CPLANE1: variants seen among roughly 807,000 people sequenced by gnomAD.
CPLANE1 encodes ciliogenesis and planar polarity effector complex subunit 1, also known as ciliogenesis and planar polarity effector 1.
Under a neutral mutation model 362.5 loss-of-function variants are expected in CPLANE1, and 263 were observed. The ratio of observed to expected loss-of-function variants is 0.73; its 90% confidence interval spans 0.66 to 0.80. The LOEUF is 0.80. Among genes scored for constraint, CPLANE1 ranks in the 30% least tolerant of loss-of-function variants. The probability of loss-of-function intolerance (pLI) is 0.00; values close to 1 mark genes in which losing one functional copy is unlikely to be tolerated. For synonymous variants in CPLANE1, 1,212 were observed against 1,302.6 expected, an observed-to-expected ratio of 0.93 and a Z score of 1.50; for missense variants, 3,461 against 3,793.4, an observed-to-expected ratio of 0.91 and a Z score of 2.30.
Position 37,168,961 on chromosome 5 carries a change from G to T in CPLANE1, c.7063C>A (p.His2355Asn), listed in dbSNP as rs1236201954. 1 of 1,614,122 alleles carries T rather than the reference G, an allele frequency of 6.2e-7. No homozygotes were observed. The highest frequency in any genetic ancestry group is 1.7e-5 in the Admixed American group (1 of 60,022). ...TATAGTAACGGAAGTCCAAAGGAATGGTGAGGAGATATCTCAAGGGTCCCT... is the reference window on the plus strand; with the variant it reads ...TATAGTAACGGAAGTCCAAAGGAATTGTGAGGAGATATCTCAAGGGTCCCT... ...KPGTLEISPH[H>N]SFGLPLLYLP... Residue 2355 changes from histidine to asparagine, a missense_variant, in exon 34 of 53, where the codon CAT (histidine) becomes AAT (asparagine). Coordinates refer to ENST00000651892, the MANE Select transcript of CPLANE1 (RefSeq NM_001384732.1).
downstream of CPLANE1, among the ~76,000 whole-genome samples, chr5:37,104,985 C>A (rs1051332028): frequency 6.6e-6 from 1 of 152,088 alleles, no homozygotes; most frequent in Non-Finnish European, 1.5e-5. Flanking sequence ...TATAAAAACA[C>A]AGACCAATAG....
intron 51 of CPLANE1, among the ~76,000 whole-genome samples, chr5:37,110,729 A>G (rs564381839): frequency 1.1e-4 from 16 of 151,206 alleles, no homozygotes; most frequent in African/African-American, 3.1e-4. Context: ...GAGGAAAGTG[A>G]GGCTTAGAGA....
Position 37,239,753 on chromosome 5 carries a change from C to A in CPLANE1, c.794G>T (p.Gly265Val). 6.5e-7 allele frequency: 1 copy of A among 1,544,166 alleles called. No individual in the cohort carries two copies. Among genetic ancestry groups the A allele is most frequent in the Non-Finnish European group, 8.7e-7 (1 of 1,142,920 alleles). Residue 265 changes from glycine (G) to valine (V), a missense_variant, in exon 7 of 53, where the codon GGC becomes GTC. Transcript: ENST00000651892. ...ATTAAGAGTTACTGCCAGGGTAAGG[C>A]CATCTCTTGAAAAGGCAGAAATTAG... is the stretch of plus-strand genomic sequence containing the variant. ...GALISAFSRD[G>V]LTLAVTLNQK...
intron 24 of CPLANE1, 41 bp from the exon 25 acceptor site, chr5:37,185,120 T>C: frequency 1.3e-6 from 2 of 1,546,478 alleles, no homozygotes; most frequent in Middle Eastern, 1.8e-4. Flanking sequence ...TTCATTAAAA[T>C]ATTTCAATTC....
In CPLANE1 at chr5:37,182,902, CAGAGTAGCCTTCTATTAG is replaced by C. The variant is rs1263625665; in HGVS notation, c.5261_5278del (p.Ser1754_Leu1759del). 1 of 1,607,054 alleles carries C rather than the reference CAGAGTAGCCTTCTATTAG, an allele frequency of 6.2e-7. No individual in the cohort carries two copies. Among genetic ancestry groups the C allele is most frequent in the Admixed American group, 1.7e-5 (1 of 58,446 alleles). On this transcript the variant is annotated inframe_deletion, in exon 26 of 53. Transcript: ENST00000651892. ...GGATGACTCAGTTATACCAGAATCA[CAGAGTAGCCTTCTATTAG>C]ACCACCTTATCATCCATTCCAGCAG...
chr5:37,204,693 CAGG>C (rs1441392446), intron 18 of CPLANE1, among the ~76,000 whole-genome samples: 1 of 148,678 alleles, frequency 6.7e-6, no homozygotes, highest in South Asian at 2.1e-4. Context: ...CCTTGCTCTG[CAGG>C]AGGAGTCAGA....
At position 37,201,635 on chromosome 5, in the gene CPLANE1, G is replaced by A; in HGVS notation, c.3463C>T (p.Pro1155Ser). 6.2e-7 allele frequency: 1 copy of A among 1,614,146 alleles called. No individual in the cohort carries two copies. Among genetic ancestry groups the A allele is most frequent in the Non-Finnish European group, 8.5e-7 (1 of 1,180,008 alleles). ...WGLVPFGLYL[P>S]APPLYCPQPA... ...TGGGGACAGTACAATGGAGGAGCTGGAAGATACAAGCCGAATGGCACTAAG... is the reference window on the plus strand; with the variant it reads ...TGGGGACAGTACAATGGAGGAGCTGAAAGATACAAGCCGAATGGCACTAAG... The change falls in exon 19 of 53, where the codon CCA becomes TCA. Residue 1155 changes from proline (P) to serine (S), a missense_variant. By Grantham distance (74) the Pro-to-Ser change is moderately conservative. Coordinates refer to ENST00000651892, the MANE Select transcript of CPLANE1 (RefSeq NM_001384732.1).
Position 37,239,871 on chromosome 5 carries a change from TA to T in CPLANE1, c.678-3del. 1 of 1,454,836 alleles carries T rather than the reference TA, an allele frequency of 6.9e-7. No homozygotes were observed. Among genetic ancestry groups the T allele is most frequent in the Non-Finnish European group, 9.1e-7 (1 of 1,093,048 alleles). 90.1% of individuals were successfully genotyped at this position (1,454,836 alleles called of 1,614,324 possible). On this transcript the variant is annotated splice_region_variant and splice_polypyrimidine_tract_variant and intron_variant, in intron 6 of 52. Coordinates refer to ENST00000651892, the MANE Select transcript of CPLANE1 (RefSeq NM_001384732.1). ...CAATGAACATGGTATGGCAATGATC[TA>T]AAAAAGTAATGAAATAATTGAAAAC...
chr5:37,211,809 A>G, intron 16 of CPLANE1: 1 of 801,718 alleles, frequency 1.2e-6, no homozygotes, highest in African/African-American at 1.7e-5. Flanking sequence ...AGATGCGGAC[A>G]AGCTAGCTTT....
Position 37,173,945 on chromosome 5 carries a change from G to T in CPLANE1, c.5981C>A (p.Ala1994Glu), listed in dbSNP as rs1780462804. The stretch of plus-strand genomic sequence containing the variant: ...TTTTTCTTTATATGTAGAAATCTGT[G>T]CACTGCGTGGAAAGCATTTAAATAA... Reference protein sequence around the residue: ...QVDTSSEISSAQISTYKEKSS... With the variant: ...QVDTSSEISSEQISTYKEKSS... The change falls in exon 32 of 53, where the codon GCA becomes GAA. Residue 1994 changes from alanine to glutamate, a missense_variant and splice_region_variant. Around this residue, in one of 2 missense-constraint regions of CPLANE1, gnomAD observed 3,380 missense variants for 3,666.1 expected, o/e 0.92. Transcript: ENST00000651892. 1 of 1,611,790 alleles carries T rather than the reference G, an allele frequency of 6.2e-7. No homozygotes were observed. Among genetic ancestry groups the T allele is most frequent in the Non-Finnish European group, 8.5e-7 (1 of 1,178,438 alleles).
At chr5:37,202,150 A>T (rs1278881248) in intron 18 of CPLANE1, among the ~76,000 whole-genome samples, 1 of 151,244 alleles carries the variant, frequency 6.6e-6, no homozygotes, top group Non-Finnish European at 1.5e-5. Flanking sequence ...GTGTGAGAGT[A>T]ACTTTTCCTT....
chr5:37,111,849 C>T (rs766616908), intron 51 of CPLANE1, among the ~76,000 whole-genome samples: 25 of 151,556 alleles, frequency 1.6e-4, no homozygotes, highest in Non-Finnish European at 3.2e-4. Context: ...AGGAAAAAAT[C>T]TACGAGCAGA....
rs373122844 is a variant in CPLANE1 at position 37,183,228 on chromosome 5, T to C, written c.4953A>G (p.Val1651=). The part of the protein sequence containing the change: ...HLENQKLSSS[V]LVNQGIKPFL... The stretch of plus-strand genomic sequence containing the variant: ...AAGGTTTGATCCCTTGATTAACCAG[T>C]ACTGATGATGAAAGTTTCTGGTTTT... The change falls in exon 26 of 53, where the codon GTA becomes GTG. Residue 1651 remains valine (V), a synonymous_variant. Coordinates refer to ENST00000651892, the MANE Select transcript of CPLANE1 (RefSeq NM_001384732.1). 298 of 1,612,200 alleles carry C rather than the reference T, an allele frequency of 1.8e-4. 2 individuals carry two copies. The Middle Eastern group carries it at 2.6e-3, about 14-fold the overall frequency.
At chr5:37,239,981 ACTTAG>A in intron 6 of CPLANE1, 112 bp from the exon 7 acceptor site, 3 of 646,850 alleles carry the variant, frequency 4.6e-6, no homozygotes, top group Non-Finnish European at 7.3e-6. Context: ...GTGCACATGT[ACTTAG>A]GGAATATTTT....
At chr5:37,154,456 G>GTTATTTTTTTTTTTTTTTTTTTTTTTT (rs1457651303) in intron 41 of CPLANE1, among the ~76,000 whole-genome samples, 1 of 83,128 alleles carries the variant, frequency 1.2e-5, no homozygotes, top group African/African-American at 9.3e-5. Flanking sequence ...ATTTGCAATA[G>GTTATTTTTTTTTTTTTTTTTTTTTTTT]TTCTTTTTTT....
chr5:37,211,680 C>T, intron 16 of CPLANE1: 2 of 785,168 alleles, frequency 2.5e-6, no homozygotes, highest in East Asian at 4.9e-5. Flanking sequence ...CAGAATGCCC[C>T]CGCCATCACC....
At chr5:37,182,257 CATT>C (rs1237540011) in intron 26 of CPLANE1, among the ~76,000 whole-genome samples, 2 of 152,066 alleles carry the variant, frequency 1.3e-5, no homozygotes, top group African/African-American at 4.8e-5. Flanking sequence ...AAGCACTTGC[CATT>C]GACTAGGGAA....
chr5:37,096,661 G>A, the CPLANE1 span, among the ~76,000 whole-genome samples: 25 of 152,118 alleles, frequency 1.6e-4, no homozygotes, highest in African/African-American at 5.5e-4. Flanking sequence ...CTATACATCC[G>A]ACAAAGAACT....
downstream of CPLANE1, among the ~76,000 whole-genome samples, chr5:37,104,655 C>G (rs1055185698): frequency 5.3e-5 from 8 of 150,904 alleles, no homozygotes; most frequent in African/African-American, 2.0e-4. Flanking sequence ...CCTGTAATCC[C>G]AGCACTTTGG....
Sources: allele counts gnomAD v4.1 joint callset (sites outside exome capture counted in the v4.1 genomes callset), GRCh38; gene constraint gnomAD v4.1.1; regional missense constraint gnomAD v4.1.1; transcripts MANE v1.5; gene names NCBI Gene and HGNC (gene_info 2026-07-23, HGNC 2026-07-21).